The following KIAA1217 variants were observed in gnomAD, a reference collection of about 807,000 sequenced individuals.
KIAA1217 encodes KIAA1217, also known as sickle tail protein homolog.
A neutral mutation model predicts 163.9 loss-of-function variants in KIAA1217; 88 were observed. The ratio of observed to expected loss-of-function variants is 0.54; its 90% CI spans 0.45 to 0.64. The LOEUF (loss-of-function observed/expected upper bound fraction) is 0.64, where lower values mean the gene tolerates loss of function less well. Among genes scored for constraint, KIAA1217 ranks in the 30% least tolerant of loss-of-function variants. The pLI is 0.00. For missense variants in KIAA1217, 2,372 were observed against 2,475.0 expected (o/e 0.96, Z 0.88); for synonymous variants, 903 against 923.1 (o/e 0.98, Z 0.39).
intron 8 of KIAA1217, among the ~76,000 whole-genome samples, chr10:24,496,235 C>A (rs1027956297): frequency 2.0e-5 from 3 of 152,230 alleles, no homozygotes; most frequent in Non-Finnish European, 4.4e-5. Context: ...GCCAACAGGG[C>A]CACTCTGCCA....
intron 1 of KIAA1217, among the ~76,000 whole-genome samples, chr10:23,878,308 A>G (rs1022087086): frequency 2.6e-5 from 4 of 151,972 alleles, no homozygotes; most frequent in Non-Finnish European, 5.9e-5. Context: ...AAAAAGTGGC[A>G]TTCTGACAGT....
At chr10:24,095,092 G>T (rs1016843961) in intron 2 of KIAA1217, among the ~76,000 whole-genome samples, 1 of 152,190 alleles carries the variant, frequency 6.6e-6, no homozygotes, top group East Asian at 1.9e-4. Flanking sequence ...TCGGAAAAGC[G>T]CAGTATTCAC....
rs532846070 is a variant in KIAA1217 at position 23,822,769 on chromosome 10, C to A, written c.-321+127535C>A. On this transcript the variant is annotated intron_variant, in intron 1 of 18. Coordinates refer to the KIAA1217 transcript ENST00000376462. Reference sequence around the variant, plus strand: ...GGTATTTAGCACAGAGTTTTTCCCACAGAGTTTTGTAAGAATAAGAATGAA... The same window carrying A: ...GGTATTTAGCACAGAGTTTTTCCCAAAGAGTTTTGTAAGAATAAGAATGAA... Among the ~76,000 whole-genome samples, 7 of 152,224 alleles carry A rather than the reference C, an allele frequency of 4.6e-5. No homozygotes were observed. In the South Asian group the frequency reaches 1.5e-3, roughly 32 times the overall value.
intron 6 of KIAA1217, among the ~76,000 whole-genome samples, chr10:24,475,454 T>C (rs1258745967): frequency 1.3e-5 from 2 of 152,180 alleles, no homozygotes; most frequent in African/African-American, 4.8e-5. Flanking sequence ...CCCTTCTTAC[T>C]TGTTCAGTTA....
intron 1 of KIAA1217, among the ~76,000 whole-genome samples, chr10:23,829,905 TA>T (rs144955365): frequency 0.012 from 1,875 of 152,208 alleles, 32 homozygotes; most frequent in South Asian, 0.051. Context: ...CTAAATAAAT[TA>T]GTGGGAAGAA....
At chr10:23,791,417 G>C (rs978899569) in intron 1 of KIAA1217, among the ~76,000 whole-genome samples, 1 of 152,062 alleles carries the variant, frequency 6.6e-6, no homozygotes, top group African/African-American at 2.4e-5. Flanking sequence ...AAGAAAGCCA[G>C]ACATTACATT....
intron 1 of KIAA1217, among the ~76,000 whole-genome samples, chr10:23,751,259 C>T (rs956358767): frequency 1.3e-5 from 2 of 152,072 alleles, no homozygotes; most frequent in Non-Finnish European, 2.9e-5. Context: ...AACTCCTGAG[C>T]TCAAGCTCTC....
chr10:24,095,222 G>C (rs1463022934), intron 2 of KIAA1217, among the ~76,000 whole-genome samples: 1 of 152,190 alleles, frequency 6.6e-6, no homozygotes, highest in Non-Finnish European at 1.5e-5. Context: ...TTCTGCTCGT[G>C]CACGGGTGCG....
chr10:23,859,101 T>A (rs61174887), intron 1 of KIAA1217, among the ~76,000 whole-genome samples: 10,745 of 152,252 alleles, frequency 0.071, 1,280 homozygotes, highest in African/African-American at 0.25. Flanking sequence ...ACATGTAATG[T>A]GTGTGTGAAC....
chr10:24,150,201 G>A (rs1007352251), intron 2 of KIAA1217, among the ~76,000 whole-genome samples: 1 of 152,026 alleles, frequency 6.6e-6, no homozygotes, highest in Non-Finnish European at 1.5e-5. Context: ...ATTTTTAGTA[G>A]CGATGGGGTT....
intron 1 of KIAA1217, among the ~76,000 whole-genome samples, chr10:23,740,882 C>T (rs1188202075): frequency 2.0e-5 from 3 of 152,052 alleles, no homozygotes; most frequent in East Asian, 1.9e-4. Context: ...GAGCCAAGAT[C>T]GTGCCATTGC....
chr10:24,102,611 G>A (rs919885524), intron 2 of KIAA1217, among the ~76,000 whole-genome samples: 9 of 152,156 alleles, frequency 5.9e-5, no homozygotes, highest in Admixed American at 2.0e-4. Flanking sequence ...GAACAAAGTC[G>A]AAGGACTGAC....
intron 2 of KIAA1217, among the ~76,000 whole-genome samples, chr10:24,063,254 AG>A (rs2060803736): frequency 1.3e-5 from 2 of 152,098 alleles, no homozygotes; most frequent in African/African-American, 4.8e-5. Context: ...GTTTTCTTCT[AG>A]GGTTTTTATG....
intron 3 of KIAA1217, among the ~76,000 whole-genome samples, chr10:24,387,154 A>G (rs1177844693): frequency 6.6e-6 from 1 of 152,230 alleles, no homozygotes; most frequent in African/African-American, 2.4e-5. Context: ...AAAAATTCTC[A>G]GTAAAATTCT....
At chr10:23,945,836 A>T (rs1844007784) in intron 1 of KIAA1217, among the ~76,000 whole-genome samples, 1 of 152,190 alleles carries the variant, frequency 6.6e-6, no homozygotes, top group African/African-American at 2.4e-5. Flanking sequence ...GGCTATTCAC[A>T]GGAAAGAAGT....
intron 5 of KIAA1217, chr10:24,449,696 G>A (rs1432293618): frequency 2.0e-6 from 2 of 985,234 alleles, no homozygotes; most frequent in Middle Eastern, 5.2e-4. Context: ...TGGAGAGAGG[G>A]GTGGTTTCGA....
At chr10:24,388,006 T>C (rs1361842615) in intron 3 of KIAA1217, among the ~76,000 whole-genome samples, 3 of 152,062 alleles carry the variant, frequency 2.0e-5, no homozygotes, top group Admixed American at 6.6e-5. Context: ...TTCAATGCCA[T>C]CCCCATCAAG....
chr10:23,750,033 T>C (rs756117112), intron 1 of KIAA1217, among the ~76,000 whole-genome samples: 1 of 152,104 alleles, frequency 6.6e-6, no homozygotes, highest in Non-Finnish European at 1.5e-5. Flanking sequence ...TTTTTGACCT[T>C]CCTCACGTAT....
chr10:23,989,460 G>T (rs1846121323), intron 1 of KIAA1217, among the ~76,000 whole-genome samples: 1 of 152,120 alleles, frequency 6.6e-6, no homozygotes, highest in Non-Finnish European at 1.5e-5. Flanking sequence ...ATAAACTTGG[G>T]GAACTTAGCA....
Sources: allele counts gnomAD v4.1 joint callset (sites outside exome capture counted in the v4.1 genomes callset), GRCh38; gene constraint gnomAD v4.1.1; transcripts MANE v1.5; gene names NCBI Gene and HGNC (gene_info 2026-07-23, HGNC 2026-07-21).